The following PRRC2B variants were observed in gnomAD, a reference collection of about 807,000 sequenced individuals.
PRRC2B encodes protein PRRC2B.
In PRRC2B, 68 loss-of-function variants were observed where a neutral mutation model predicts 242.3. The ratio of observed to expected loss-of-function variants is 0.28; its 90% CI spans 0.23 to 0.34. PRRC2B has a LOEUF of 0.34. Ranked by LOEUF, PRRC2B falls within the 10% of genes least tolerant of loss-of-function variation. The pLI is 1.00. For synonymous variants in PRRC2B, 1,228 were observed against 1,173.6 expected (o/e 1.05, Z -0.95); for missense variants, 2,835 against 2,954.8 (o/e 0.96, Z 0.94).
At chr9:131,466,477 GT>G (rs1234375637) in intron 12 of PRRC2B, among the ~76,000 whole-genome samples, 1 of 152,114 alleles carries the variant, frequency 6.6e-6, no homozygotes, top group Admixed American at 6.5e-5. Flanking sequence ...TCTTGTTTTT[GT>G]TTTTTTCCTC....
At chr9:131,445,246 C>G (rs527361203) in intron 6 of PRRC2B, among the ~76,000 whole-genome samples, 2 of 152,030 alleles carry the variant, frequency 1.3e-5, no homozygotes, top group Non-Finnish European at 2.9e-5. Context: ...CTGCAACCTC[C>G]GCCTCCCGGG....
At chr9:131,422,850 T>C (rs543348001) in intron 1 of PRRC2B, among the ~76,000 whole-genome samples, 25 of 152,340 alleles carry the variant, frequency 1.6e-4, no homozygotes, top group African/African-American at 6.0e-4. Context: ...TTTTCAATGT[T>C]CTTTTCTCCA....
At chr9:131,378,014 T>C (rs964989130) in intron 1 of PRRC2B, among the ~76,000 whole-genome samples, 2 of 152,124 alleles carry the variant, frequency 1.3e-5, no homozygotes, top group African/African-American at 4.8e-5. Flanking sequence ...CCTTGGCCTT[T>C]CAAAGCGCTG....
chr9:131,406,614 T>A (rs893940292), intron 1 of PRRC2B, among the ~76,000 whole-genome samples: 2 of 152,188 alleles, frequency 1.3e-5, no homozygotes, highest in Non-Finnish European at 2.9e-5. Flanking sequence ...AGTTTTCTTA[T>A]CTGCCCCAAA....
At chr9:131,467,098 T>G (rs1943418027) in intron 12 of PRRC2B, among the ~76,000 whole-genome samples, 1 of 124,374 alleles carries the variant, frequency 8.0e-6, no homozygotes. Flanking sequence ...ACCGCGCCTG[T>G]CATTTTTTGT....
In PRRC2B at chr9:131,475,952, C is replaced by T. The variant is rs545173820; in HGVS notation, c.3823C>T (p.Arg1275Cys). Residue 1275 changes from arginine to cysteine, a missense_variant, in exon 16 of 32, where the codon CGC becomes TGC. Arg to Cys is a radical substitution (Grantham distance 180). Coordinates refer to ENST00000683519, the MANE Select transcript of PRRC2B (RefSeq NM_013318.4). ...AFGGRGFEDS[R>C]AEDKRSFFQD... ...TGGTGGCCGGGGCTTTGAGGACAGCCGCGCGGAGGACAAGAGATCCTTCTT... is the reference window on the plus strand; with the variant it reads ...TGGTGGCCGGGGCTTTGAGGACAGCTGCGCGGAGGACAAGAGATCCTTCTT... The T allele has an allele frequency of 7.4e-6, 12 of 1,613,652 alleles. No homozygotes were observed. The African/African-American group carries it at 8.0e-5, about 11-fold the overall frequency.
chr9:131,402,176 G>T (rs1038395369), intron 1 of PRRC2B, among the ~76,000 whole-genome samples: 1 of 152,138 alleles, frequency 6.6e-6, no homozygotes, highest in Non-Finnish European at 1.5e-5. Context: ...GGCTGGTCTC[G>T]AACTCCTGAG....
At chr9:131,481,912 C>A in intron 20 of PRRC2B, 104 bp downstream of exon 20, 1 of 1,027,758 alleles carries the variant, frequency 9.7e-7, no homozygotes, top group Admixed American at 2.0e-5. Flanking sequence ...GCCCCTGCCA[C>A]AGCAGCTGAG....
chr9:131,477,672 C>G, intron 16 of PRRC2B, 72 bp from the exon 17 acceptor site: 1 of 908,286 alleles, frequency 1.1e-6, no homozygotes, highest in East Asian at 2.6e-5. Flanking sequence ...GGCTTGTGTG[C>G]AGGCTGTGTG....
In PRRC2B at chr9:131,459,286, T is replaced by C; in HGVS notation, c.1334T>C (p.Val445Ala). ...WAEAVGASRV[V>A]RKAPDPQPPP... ...GAAGCAGTGGGTGCGTCCCGTGTGGTCCGAAAGGCGCCAGACCCTCAGCCA... is the reference window on the plus strand; with the variant it reads ...GAAGCAGTGGGTGCGTCCCGTGTGGCCCGAAAGGCGCCAGACCCTCAGCCA... The change falls in exon 11 of 32, where the codon GTC becomes GCC. Residue 445 changes from valine (V) to alanine (A), a missense_variant. Physicochemically the swap from Val to Ala is moderately conservative, Grantham distance 64. Around this residue, in one of 7 missense-constraint regions of PRRC2B, gnomAD observed 626 missense variants for 685.5 expected, o/e 0.91. Transcript: ENST00000683519. 6.2e-7 allele frequency: 1 copy of C among 1,613,844 alleles called. No individual in the cohort carries two copies. The highest frequency in any genetic ancestry group is 8.5e-7 in the Non-Finnish European group (1 of 1,179,864).
Position 131,470,994 on chromosome 9 carries a change from T to C in PRRC2B, c.2107+11T>C, listed in dbSNP as rs1943529148. On this transcript the variant is annotated intron_variant, in intron 14 of 31. Transcript: ENST00000683519. ...CCCTGCATCCCTCAGGTAAGCACTG[T>C]GGTCTGACGGTCCATACCTGTATCA... 1.9e-6 allele frequency: 3 copies of C among 1,599,876 alleles called. No homozygotes were observed. Among genetic ancestry groups the C allele is most frequent in the Non-Finnish European group, 1.7e-6 (2 of 1,171,558 alleles).
rs771101145 is a variant in PRRC2B, at chr9:131,446,707, A to G, written c.855+65A>G. The G allele has an allele frequency of 2.5e-6, 4 of 1,579,626 alleles. No individual in the cohort carries two copies. The highest frequency in any genetic ancestry group is 3.5e-6 in the Non-Finnish European group (4 of 1,157,390). On this transcript the variant is annotated intron_variant, in intron 7 of 31. Transcript: ENST00000683519. The surrounding 1 kb of genome is among the most constrained non-coding windows in gnomAD (Gnocchi z 4.1). ...TGGATTGTGTCCAGCAGATAGGTCA[A>G]GTGGTTGAATGTCCCCCTTGGGGTC...
At chr9:131,434,416 G>T (rs1052917947) in intron 3 of PRRC2B, among the ~76,000 whole-genome samples, 3 of 152,256 alleles carry the variant, frequency 2.0e-5, no homozygotes, top group African/African-American at 4.8e-5. Flanking sequence ...AAGAGGTGAG[G>T]ATGGAGTGTT....
chr9:131,412,794 TCTC>T (rs1837539465), intron 1 of PRRC2B, among the ~76,000 whole-genome samples: 1 of 107,396 alleles, frequency 9.3e-6, no homozygotes, highest in African/African-American at 3.2e-5. Flanking sequence ...ATTCTCTCTC[TCTC>T]TTTTTTTTTT....
In PRRC2B at chr9:131,482,963, G is replaced by A; in HGVS notation, c.5373+56G>A. On this transcript the variant is annotated intron_variant, in intron 22 of 31. Coordinates refer to ENST00000683519, the MANE Select transcript of PRRC2B (RefSeq NM_013318.4). The surrounding 1 kb of genome is among the most constrained non-coding windows in gnomAD (Gnocchi z 5.2). Reference sequence around the variant, plus strand: ...TTTTTTACTTTTTATTTTGGTACTTGGAGAGGCTGGGGGCTCAGATGGGAT... The same window carrying A: ...TTTTTTACTTTTTATTTTGGTACTTAGAGAGGCTGGGGGCTCAGATGGGAT... 1 of 1,541,142 alleles carries A rather than the reference G, an allele frequency of 6.5e-7. No individual in the cohort carries two copies. The highest frequency in any genetic ancestry group is 2.4e-5 in the East Asian group (1 of 41,022).
rs561159203 is a variant in PRRC2B at position 131,497,480 on chromosome 9, T to G, written c.*1606T>G. The G allele has an allele frequency of 1.9e-4, 29 of 152,356 alleles. No homozygotes were observed. Among genetic ancestry groups the G allele is most frequent in the African/African-American group, 6.7e-4 (28 of 41,546 alleles). The allele number at this position is 152,356 out of a possible 1,614,324, so 9.4% of individuals were successfully genotyped here. A position where few individuals can be genotyped will look rare whatever the true frequency, so the allele number is the denominator to read the frequency against. On this transcript the variant is annotated 3_prime_UTR_variant, in exon 32 of 32. Coordinates refer to ENST00000683519, the MANE Select transcript of PRRC2B (RefSeq NM_013318.4). ...AACACCTAGAGGAGGGGGCCGGGGA[T>G]GCACCCCCCACCAGAGGCTGCCTTC... is the stretch of plus-strand genomic sequence containing the variant.
chr9:131,462,820 A>T, intron 11 of PRRC2B, among the ~76,000 whole-genome samples: 1 of 126,302 alleles, frequency 7.9e-6, no homozygotes, highest in South Asian at 2.9e-4. Flanking sequence ...CCTGGGTGAC[A>T]GAGTGAGACT....
Position 131,465,089 on chromosome 9 carries a change from G to T in PRRC2B, c.1720+11G>T. The T allele has an allele frequency of 6.3e-7, 1 of 1,593,850 alleles. No homozygotes were observed. The highest frequency in any genetic ancestry group is 8.6e-7 in the Non-Finnish European group (1 of 1,168,158). ...CTGCTGTCCACAAAGGTAAGAGCTG[G>T]GCCGTCTTCCCACCAACTGGAAACC... is the stretch of plus-strand genomic sequence containing the variant. On this transcript the variant is annotated intron_variant, in intron 12 of 31. Coordinates refer to ENST00000683519, the MANE Select transcript of PRRC2B (RefSeq NM_013318.4).
At chr9:131,467,450 G>A in intron 12 of PRRC2B, 113 bp from the exon 13 acceptor site, 1 of 936,564 alleles carries the variant, frequency 1.1e-6, no homozygotes, top group African/African-American at 1.6e-5. Context: ...GGACGTGACT[G>A]TTCTAGCAGT....
Sources: gnomAD v4.1 joint callset for allele counts (sites outside exome capture counted in the v4.1 genomes callset) on GRCh38, gnomAD v4.1.1 for gene constraint, gnomAD v4.1.1 regional missense constraint, Gnocchi (gnomAD v3.1) non-coding constraint, MANE v1.5 for transcripts, NCBI Gene and HGNC (gene_info 2026-07-23, HGNC 2026-07-21) for gene names.